The following G3BP1 variants were observed in gnomAD, a reference collection of about 807,000 sequenced individuals.
The protein encoded by G3BP1 is ras GTPase-activating protein-binding protein 1.
G3BP1 carries 35 observed loss-of-function variants against 58.6 expected under a neutral mutation model. The ratio of observed to expected loss-of-function variants is 0.60; its 90% CI spans 0.46 to 0.79. G3BP1 has a LOEUF of 0.79. Among genes scored for constraint, G3BP1 ranks in the 30% least tolerant of loss-of-function variants. The pLI is 0.00. For synonymous variants in G3BP1, 191 were observed against 195.4 expected (o/e 0.98, Z 0.19); for missense variants, 523 against 580.8 (o/e 0.90, Z 1.02).
chr5:151,801,960 AC>A (rs1330387434), intron 11 of G3BP1, among the ~76,000 whole-genome samples: 1 of 151,786 alleles, frequency 6.6e-6, no homozygotes, highest in Non-Finnish European at 1.5e-5. Context: ...GATTACAGGC[AC>A]CCGCCACCAT....
chr5:151,783,256 C>T (rs989160886), intron 1 of G3BP1, among the ~76,000 whole-genome samples: 7 of 152,040 alleles, frequency 4.6e-5, no homozygotes, highest in African/African-American at 1.7e-4. Context: ...ATTATGTTCA[C>T]ATTTCTCATA....
chr5:151,783,697 T>G (rs1762511245), intron 1 of G3BP1, among the ~76,000 whole-genome samples: 1 of 152,042 alleles, frequency 6.6e-6, no homozygotes, highest in African/African-American at 2.4e-5. Context: ...TTTTTTTAAC[T>G]GAGAATAACA....
Position 151,786,703 on chromosome 5 carries a change from A to G in G3BP1, c.83A>G (p.Asp28Gly). The G allele has an allele frequency of 6.2e-7, 1 of 1,604,136 alleles. No homozygotes were observed. The highest frequency in any genetic ancestry group is 2.2e-5 in the East Asian group (1 of 44,836). ...QYYTLLNQAP[D>G]MLHRFYGKNS... ...TACACACTGCTGAACCAGGCCCCAG[A>G]CATGCTGCATAGGTAAGACATTTTT... The change falls in exon 2 of 12, where the codon GAC becomes GGC. Residue 28 changes from aspartate to glycine, a missense_variant. This residue lies in a region of G3BP1 where 398 missense variants were observed against 399.1 expected (regional missense o/e 1.00). Transcript: ENST00000356245.
At chr5:151,782,821 G>C (rs886226060) in intron 1 of G3BP1, among the ~76,000 whole-genome samples, 1 of 149,530 alleles carries the variant, frequency 6.7e-6, no homozygotes, top group African/African-American at 2.5e-5. Flanking sequence ...TTAGTAACTG[G>C]CAAAACACTG....
rs1762933459 is a variant in G3BP1, at chr5:151,805,972, G to A, written c.*1881G>A. 6.6e-6 allele frequency: 1 copy of A among 152,132 alleles called. No individual in the cohort carries two copies. The highest frequency in any genetic ancestry group is 2.4e-5 in the African/African-American group (1 of 41,418). 9.4% of individuals were successfully genotyped at this position (152,132 alleles called of 1,614,324 possible). A position where few individuals can be genotyped will look rare whatever the true frequency, so the allele number is the denominator to read the frequency against. On this transcript the variant is annotated 3_prime_UTR_variant, in exon 12 of 12. Transcript: ENST00000356245. ...TCAAAACAGAAGTTCTTCCTACTTG[G>A]AGACTTAAGGGCATTAACTAGATGC...
chr5:151,797,325 A>G lies in G3BP1; in HGVS notation c.638A>G (p.Glu213Gly), dbSNP rs759116158. The G allele has an allele frequency of 9.0e-5, 145 of 1,613,842 alleles. No individual in the cohort carries two copies. The highest frequency in any genetic ancestry group is 1.2e-4 in the Non-Finnish European group (142 of 1,179,830). The change falls in exon 7 of 12, where the codon GAA becomes GGA. Residue 213 changes from glutamate (E) to glycine (G), a missense_variant. Glu to Gly is a moderately conservative substitution (Grantham distance 98). Transcript: ENST00000356245. ...GAACCTGTATCTGAAATCCAAGAGG[A>G]AAAGCCTGAGCCAGTATTAGAAGAA... ...EQEPVSEIQE[E>G]KPEPVLEETA...
In G3BP1 at chr5:151,809,388, G is replaced by A. The variant is rs754920009; in HGVS notation, c.*5297G>A. On this transcript the variant is annotated 3_prime_UTR_variant, in exon 12 of 12. Coordinates refer to ENST00000356245, the MANE Select transcript of G3BP1 (RefSeq NM_005754.3). ...GAAAAATCATTTGGTGCATGCTAAG[G>A]TAGCTTGTAGGACATGTGGTTTTAA... 1 of 152,176 alleles carries A rather than the reference G, an allele frequency of 6.6e-6. No homozygotes were observed. Among genetic ancestry groups the A allele is most frequent in the African/African-American group, 2.4e-5 (1 of 41,444 alleles). The allele number at this position is 152,176 out of a possible 1,614,324, so 9.4% of individuals were successfully genotyped here. A position where few individuals can be genotyped will look rare whatever the true frequency, so the allele number is the denominator to read the frequency against.
At chr5:151,794,136 A>G in intron 4 of G3BP1, 23 bp from the exon 5 acceptor site, 1 of 1,438,020 alleles carries the variant, frequency 7.0e-7, no homozygotes, top group Non-Finnish European at 9.8e-7. Context: ...TGAATAAATT[A>G]AAACTTTCTG....
intron 1 of G3BP1, 95 bp from the exon 2 acceptor site, chr5:151,786,473 ATGTT>A: frequency 1.5e-6 from 1 of 653,066 alleles, no homozygotes; most frequent in South Asian, 1.8e-5. Flanking sequence ...TGTTTTTATG[ATGTT>A]TGTTCATGTT....
intron 8 of G3BP1, 127 bp from the exon 9 acceptor site, chr5:151,799,756 ATGGTTT>A (rs1762817923): frequency 1.6e-6 from 1 of 632,148 alleles, no homozygotes; most frequent in Admixed American, 2.9e-5. Context: ...AGGGTATAAG[ATGGTTT>A]TTAATGATTT....
In G3BP1 at chr5:151,804,169, T is replaced by C; in HGVS notation, c.*78T>C. 9.5e-7 allele frequency: 1 copy of C among 1,052,716 alleles called. No homozygotes were observed. Among genetic ancestry groups the C allele is most frequent in the South Asian group, 1.5e-5 (1 of 65,978 alleles). 65.2% of individuals were successfully genotyped at this position (1,052,716 alleles called of 1,614,324 possible). ...GAATTTTCGACAGCCTTTGGTATCTTGGAGTATGACCCCAGTCTGTTATAA... is the reference window on the plus strand; with the variant it reads ...GAATTTTCGACAGCCTTTGGTATCTCGGAGTATGACCCCAGTCTGTTATAA... On this transcript the variant is annotated 3_prime_UTR_variant, in exon 12 of 12. Coordinates refer to ENST00000356245, the MANE Select transcript of G3BP1 (RefSeq NM_005754.3).
Position 151,800,198 on chromosome 5 carries a change from T to C in G3BP1, c.956-20T>C. 1 of 1,609,614 alleles carries C rather than the reference T, an allele frequency of 6.2e-7. No homozygotes were observed. Among genetic ancestry groups the C allele is most frequent in the South Asian group, 1.1e-5 (1 of 90,564 alleles). ...TCTTCTTTCTCTTGTCTTTCATTGA[T>C]GTTTTTGTCTCCTTTTAAGTCCGTG... On this transcript the variant is annotated intron_variant, in intron 9 of 11. Transcript: ENST00000356245.
At chr5:151,780,770 C>G (rs1762456793) in intron 1 of G3BP1, among the ~76,000 whole-genome samples, 1 of 152,186 alleles carries the variant, frequency 6.6e-6, no homozygotes, top group Non-Finnish European at 1.5e-5. Flanking sequence ...CCTTGGCTTC[C>G]TAAAGTGCTG....
chr5:151,793,277 T>A (rs1762691347), intron 4 of G3BP1, among the ~76,000 whole-genome samples: 1 of 152,056 alleles, frequency 6.6e-6, no homozygotes, highest in Non-Finnish European at 1.5e-5. Context: ...CCTGTCTCAT[T>A]TTTGTATTTT....
rs551222337 is a variant in G3BP1, at chr5:151,796,821, T to C, written c.540-406T>C. On this transcript the variant is annotated intron_variant, in intron 6 of 11. Coordinates refer to ENST00000356245, the MANE Select transcript of G3BP1 (RefSeq NM_005754.3). ...TCTAGGACTTTTCACCTTACAACTT[T>C]TATTGAAGATAACTTTATATACCTT... Among the ~76,000 whole-genome samples, 7 of 152,318 alleles carry C rather than the reference T, an allele frequency of 4.6e-5. No homozygotes were observed. The South Asian group carries it at 1.2e-3, about 27-fold the overall frequency.
At chr5:151,798,228 T>C (rs1183552224) in intron 7 of G3BP1, among the ~76,000 whole-genome samples, 2 of 152,182 alleles carry the variant, frequency 1.3e-5, no homozygotes, top group Non-Finnish European at 2.9e-5. Flanking sequence ...TGCCTATGTG[T>C]GGTCCCACCT....
rs371830654 is a variant in G3BP1 at position 151,794,469 on chromosome 5, C to T, written c.442+220C>T. ...AGTAGAAGACATAAGACTCTTAGGT[C>T]AGAAGGAGACAGGCTAACTCACAGC... On this transcript the variant is annotated intron_variant, in intron 5 of 11. Transcript: ENST00000356245. 4.1e-4 allele frequency among the ~76,000 whole-genome samples: 62 copies of T among 152,240 alleles called. 2 individuals are homozygous for T. The South Asian group carries it at 0.012, about 30-fold the overall frequency.
At chr5:151,774,465 A>G (rs1353566212) in intron 1 of G3BP1, among the ~76,000 whole-genome samples, 1 of 151,974 alleles carries the variant, frequency 6.6e-6, no homozygotes, top group Admixed American at 6.5e-5. Context: ...GGCTAGTGTT[A>G]AAAGATAAAA....
rs1026185321 is a variant in G3BP1, at chr5:151,807,616, G to A, written c.*3525G>A. The A allele has an allele frequency of 1.3e-5, 2 of 152,130 alleles. No homozygotes were observed. The highest frequency in any genetic ancestry group is 4.8e-5 in the African/African-American group (2 of 41,436). 9.4% of individuals were successfully genotyped at this position (152,130 alleles called of 1,614,324 possible). On this transcript the variant is annotated 3_prime_UTR_variant, in exon 12 of 12. Transcript: ENST00000356245. Reference sequence around the variant, plus strand: ...TAATGCAAACTTCAAATCTGGATGTGAATAATAATATTTTTATTATAGTAT... The same window carrying A: ...TAATGCAAACTTCAAATCTGGATGTAAATAATAATATTTTTATTATAGTAT...
Sources: gnomAD v4.1 joint callset for allele counts (sites outside exome capture counted in the v4.1 genomes callset) on GRCh38, gnomAD v4.1.1 for gene constraint, gnomAD v4.1.1 regional missense constraint, MANE v1.5 for transcripts, NCBI Gene and HGNC (gene_info 2026-07-23, HGNC 2026-07-21) for gene names.